The following TBX15 variants were observed in gnomAD, a reference collection of about 807,000 sequenced individuals.
The protein encoded by TBX15 is T-box transcription factor TBX15.
Under a neutral mutation model 53.9 loss-of-function variants are expected in TBX15, and 18 were observed. The ratio of observed to expected loss-of-function variants is 0.33; its 90% confidence interval spans 0.23 to 0.49. TBX15 has a LOEUF of 0.49. Among genes scored for constraint, TBX15 ranks in the 20% least tolerant of loss-of-function variants. The probability of loss-of-function intolerance (pLI) is 0.98; values close to 1 mark genes in which losing one functional copy is unlikely to be tolerated. For synonymous variants in TBX15, 295 were observed against 278.0 expected (o/e 1.06, Z -0.61); for missense variants, 692 against 749.5 (o/e 0.92, Z 0.90).
chr1:118,984,315 C>A (rs113889032), intron 1 of TBX15, among the ~76,000 whole-genome samples: 2,168 of 152,330 alleles, frequency 0.014, 49 homozygotes, highest in African/African-American at 0.049. Context: ...TGGCCCGGCC[C>A]GAAGTTTCTG....
At chr1:118,900,245 G>A (rs1457609599) in intron 6 of TBX15, among the ~76,000 whole-genome samples, 1 of 152,174 alleles carries the variant, frequency 6.6e-6, no homozygotes, top group Non-Finnish European at 1.5e-5. Context: ...GAAGGTGGGT[G>A]GTATGGCATC....
intron 6 of TBX15, among the ~76,000 whole-genome samples, chr1:118,909,924 T>C (rs1327000384): frequency 6.6e-6 from 1 of 152,152 alleles, no homozygotes; most frequent in African/African-American, 2.4e-5. Context: ...GAAGCTAGTA[T>C]GCTCAGCCAC....
chr1:118,940,838 A>G (rs1656155021), intron 1 of TBX15, among the ~76,000 whole-genome samples: 1 of 151,966 alleles, frequency 6.6e-6, no homozygotes, highest in Admixed American at 6.5e-5. Context: ...TATTTATGAG[A>G]CCAACTTTTG....
intron 3 of TBX15, among the ~76,000 whole-genome samples, chr1:118,925,075 GCC>G (rs1040186670): frequency 6.6e-6 from 1 of 152,154 alleles, no homozygotes; most frequent in African/African-American, 2.4e-5. Context: ...CAAATCTTCA[GCC>G]CTCGCAAGGA....
chr1:118,936,319 T>C (rs1655964145), intron 1 of TBX15, among the ~76,000 whole-genome samples: 1 of 152,162 alleles, frequency 6.6e-6, no homozygotes. Flanking sequence ...TTTAGTCTAA[T>C]AAAAACTTAA....
At chr1:118,950,079 T>C (rs1197153420) in intron 1 of TBX15, among the ~76,000 whole-genome samples, 1 of 152,192 alleles carries the variant, frequency 6.6e-6, no homozygotes, top group African/African-American at 2.4e-5. Context: ...ACACAATAAA[T>C]ACCTTGCTTT....
At chr1:118,966,382 G>A (rs1313988905) in intron 1 of TBX15, among the ~76,000 whole-genome samples, 1 of 152,162 alleles carries the variant, frequency 6.6e-6, no homozygotes, top group African/African-American at 2.4e-5. Flanking sequence ...GACATTCTGG[G>A]CTTAGAAACA....
intron 7 of TBX15, among the ~76,000 whole-genome samples, chr1:118,893,602 A>G (rs201516437): frequency 1.3e-4 from 19 of 142,832 alleles, no homozygotes; most frequent in African/African-American, 3.6e-4. Flanking sequence ...AAGGAAGGAA[A>G]GAAAGAAAGA....
At chr1:118,980,630 G>C (rs951450948) in intron 1 of TBX15, among the ~76,000 whole-genome samples, 1 of 150,652 alleles carries the variant, frequency 6.6e-6, no homozygotes, top group Non-Finnish European at 1.5e-5. Context: ...TTATTATTAA[G>C]ATTTATCTTA....
intron 1 of TBX15, among the ~76,000 whole-genome samples, chr1:118,976,135 G>A (rs1338114699): frequency 6.6e-6 from 1 of 152,110 alleles, no homozygotes; most frequent in Non-Finnish European, 1.5e-5. Flanking sequence ...GAAGAAAACT[G>A]GGCAAACCAG....
At chr1:118,894,293 A>G (rs1400441733) in intron 7 of TBX15, among the ~76,000 whole-genome samples, 1 of 152,214 alleles carries the variant, frequency 6.6e-6, no homozygotes, top group Non-Finnish European at 1.5e-5. Context: ...AGTAAATCCT[A>G]GGCTCTTTCC....
chr1:118,926,468 G>A, intron 3 of TBX15, 42 bp downstream of exon 3: 2 of 1,533,514 alleles, frequency 1.3e-6, no homozygotes, highest in South Asian at 1.1e-5. Context: ...GTCTTGGAAT[G>A]CTGGTGATAC....
chr1:118,923,666 C>T, intron 4 of TBX15, 63 bp from the exon 5 acceptor site: 2 of 1,592,568 alleles, frequency 1.3e-6, no homozygotes, highest in African/African-American at 2.7e-5. Context: ...TGTTCTCATG[C>T]AAAAATAAAT....
At position 118,924,631 on chromosome 1, in the gene TBX15, G is replaced by T. The variant is rs1271349177; in HGVS notation, c.693+15C>A. The T allele has an allele frequency of 6.2e-6, 10 of 1,613,898 alleles. No individual in the cohort carries two copies. The highest frequency in any genetic ancestry group is 7.6e-6 in the Non-Finnish European group (9 of 1,179,824). On this transcript the variant is annotated intron_variant, in intron 4 of 7. Coordinates refer to ENST00000369429, the MANE Select transcript of TBX15 (RefSeq NM_001330677.2). ...GAAGAGAGAAAGAAAGGGGAGATAG[G>T]ATTCTTTGACTCACATGTCCTTGAT...
At chr1:118,924,543 A>G in intron 4 of TBX15, 103 bp downstream of exon 4, 1 of 1,364,282 alleles carries the variant, frequency 7.3e-7, no homozygotes, top group Admixed American at 1.7e-5. Context: ...AAAGTGGCAT[A>G]GAGATTCCTT....
chr1:118,946,033 A>G (rs1332351647), intron 1 of TBX15, among the ~76,000 whole-genome samples: 2 of 152,192 alleles, frequency 1.3e-5, no homozygotes, highest in Admixed American at 6.6e-5. Context: ...CAAGTACTAC[A>G]CAAGTATTAT....
rs140916590 is a variant in TBX15 at position 118,975,364 on chromosome 1, C to A, written c.205+12227G>T. Among the ~76,000 whole-genome samples the A allele has an allele frequency of 3.0e-4, 45 of 152,278 alleles. 1 individual carries two copies. The East Asian group carries it at 8.5e-3, about 29-fold the overall frequency. On this transcript the variant is annotated intron_variant, in intron 1 of 7. Transcript: ENST00000369429. ...GAATGACAAGCAAGGAAGGAAAAGA[C>A]CTGGAAACTATAAATAACCTCTCTC... is the stretch of plus-strand genomic sequence containing the variant.
chr1:118,976,312 T>C (rs145038589), intron 1 of TBX15, among the ~76,000 whole-genome samples: 1 of 152,316 alleles, frequency 6.6e-6, no homozygotes, highest in Non-Finnish European at 1.5e-5. Context: ...GTTGTTGTTG[T>C]TGTTTTAATT....
At chr1:118,967,834 C>T (rs574446329) in intron 1 of TBX15, among the ~76,000 whole-genome samples, 1 of 152,324 alleles carries the variant, frequency 6.6e-6, no homozygotes, top group Non-Finnish European at 1.5e-5. Flanking sequence ...GAAGGAGTTT[C>T]ATTTTCCATG....
Sources: gnomAD v4.1 joint callset for allele counts (sites outside exome capture counted in the v4.1 genomes callset) on GRCh38, gnomAD v4.1.1 for gene constraint, MANE v1.5 for transcripts, NCBI Gene and HGNC (gene_info 2026-07-23, HGNC 2026-07-21) for gene names.